Variants in TSPAN5 observed in about 807,000 individuals in gnomAD.
TSPAN5 encodes the protein tetraspanin 5.
Under a neutral mutation model 37.1 loss-of-function variants are expected in TSPAN5, and 10 were observed. The observed-to-expected ratio is 0.27, with a 90% CI of 0.17 to 0.46. The LOEUF is 0.46. TSPAN5 is among the 20% of genes least tolerant of loss of function. The probability of loss-of-function intolerance (pLI) is 1.00; values close to 1 mark genes in which losing one functional copy is unlikely to be tolerated. For missense variants in TSPAN5, 195 were observed against 326.6 expected, an observed-to-expected ratio of 0.60 and a Z score of 3.11; for synonymous variants, 110 against 118.9, an observed-to-expected ratio of 0.93 and a Z score of 0.48.
At chr4:98,567,968 G>A (rs1755044376) in intron 1 of TSPAN5, among the ~76,000 whole-genome samples, 1 of 152,034 alleles carries the variant, frequency 6.6e-6, no homozygotes, top group Non-Finnish European at 1.5e-5. Flanking sequence ...TGTAAAATGG[G>A]GATGACAACA....
At chr4:98,538,010 T>C (rs1402636500) in intron 1 of TSPAN5, among the ~76,000 whole-genome samples, 1 of 152,266 alleles carries the variant, frequency 6.6e-6, no homozygotes, top group Non-Finnish European at 1.5e-5. Context: ...CCCCATGCTC[T>C]GTGATCACGG....
rs185264706 is a variant in TSPAN5 at position 98,533,605 on chromosome 4, C to A, written c.82-25877G>T. ...TTGCTCTGTCGCCCAGGCTGGGGTG[C>A]AGTGGCGCGATCTTGGCTCACTGCA... is the stretch of plus-strand genomic sequence containing the variant. On this transcript the variant is annotated intron_variant, in intron 1 of 7. Transcript: ENST00000305798. Among the ~76,000 whole-genome samples the A allele has an allele frequency of 5.4e-3, 649 of 119,908 alleles. 5 individuals are homozygous for A. The highest frequency in any genetic ancestry group is 0.02 in the African/African-American group (593 of 30,286). The allele number at this position is 119,908 out of a possible 152,430, so 78.7% of individuals were successfully genotyped here. A position where few individuals can be genotyped will look rare whatever the true frequency, so the allele number is the denominator to read the frequency against.
At chr4:98,545,855 A>G (rs889472532) in intron 1 of TSPAN5, among the ~76,000 whole-genome samples, 12 of 152,184 alleles carry the variant, frequency 7.9e-5, no homozygotes, top group Non-Finnish European at 1.8e-4. Context: ...TAGGCTCAAC[A>G]TAAGTTATTT....
intron 1 of TSPAN5, among the ~76,000 whole-genome samples, chr4:98,507,936 G>A (rs1753514336): frequency 6.6e-6 from 1 of 152,176 alleles, no homozygotes; most frequent in Non-Finnish European, 1.5e-5. Flanking sequence ...ACACACAGTT[G>A]GTTAGAAGTC....
intron 1 of TSPAN5, among the ~76,000 whole-genome samples, chr4:98,548,177 C>T (rs1376318301): frequency 6.6e-6 from 1 of 152,112 alleles, no homozygotes; most frequent in Non-Finnish European, 1.5e-5. Flanking sequence ...GTATGTATCA[C>T]CTTTCCTAGT....
intron 2 of TSPAN5, among the ~76,000 whole-genome samples, chr4:98,506,121 A>G (rs1753473820): frequency 6.6e-6 from 1 of 152,250 alleles, no homozygotes; most frequent in Admixed American, 6.5e-5. Flanking sequence ...ACAGATAATT[A>G]GTTCATTTAA....
intron 1 of TSPAN5, among the ~76,000 whole-genome samples, chr4:98,557,711 T>C (rs1754783666): frequency 6.6e-6 from 1 of 152,118 alleles, no homozygotes; most frequent in African/African-American, 2.4e-5. Flanking sequence ...TGGCAGCGGA[T>C]TGCATCGGCC....
intron 2 of TSPAN5, among the ~76,000 whole-genome samples, chr4:98,487,154 G>A (rs1254789117): frequency 6.6e-6 from 1 of 151,124 alleles, no homozygotes; most frequent in Non-Finnish European, 1.5e-5. Flanking sequence ...GGGAGGGAGG[G>A]GGGGATGGAG....
intron 1 of TSPAN5, among the ~76,000 whole-genome samples, chr4:98,551,458 G>T: frequency 6.9e-6 from 1 of 144,586 alleles, no homozygotes. Flanking sequence ...ATTGGTATTA[G>T]TTCTTCTTTG....
intron 5 of TSPAN5, 68 bp from the exon 6 acceptor site, chr4:98,476,528 A>G: frequency 1.4e-6 from 2 of 1,476,584 alleles, no homozygotes; most frequent in Non-Finnish European, 1.9e-6. Context: ...AGAAATGAGC[A>G]GAAGACTTCT....
intron 1 of TSPAN5, among the ~76,000 whole-genome samples, chr4:98,630,870 T>C (rs988041510): frequency 1.3e-5 from 2 of 152,188 alleles, no homozygotes; most frequent in African/African-American, 2.4e-5. Context: ...TTAGCACAAA[T>C]AGCGAATGAG....
chr4:98,474,973 C>T (rs1041912311), intron 7 of TSPAN5, among the ~76,000 whole-genome samples: 2 of 152,212 alleles, frequency 1.3e-5, no homozygotes, highest in Admixed American at 1.3e-4. Context: ...AGCTACCACA[C>T]CTGGCCTGGT....
chr4:98,551,897 C>T lies in TSPAN5; in HGVS notation c.82-44169G>A, dbSNP rs191923976. 1.6e-3 allele frequency among the ~76,000 whole-genome samples: 251 copies of T among 152,132 alleles called. 1 individual carries two copies. The highest frequency in any genetic ancestry group is 2.9e-3 in the Non-Finnish European group (200 of 67,994). On this transcript the variant is annotated intron_variant, in intron 1 of 7. Coordinates refer to ENST00000305798, the MANE Select transcript of TSPAN5 (RefSeq NM_005723.4). ...TTACTGATTCAATTTCACTACTCATCATTGGTCTGTGCAGGGCTTCTATTT... is the reference window on the plus strand; with the variant it reads ...TTACTGATTCAATTTCACTACTCATTATTGGTCTGTGCAGGGCTTCTATTT...
intron 1 of TSPAN5, among the ~76,000 whole-genome samples, chr4:98,607,010 G>T (rs1462835778): frequency 6.6e-6 from 1 of 152,104 alleles, no homozygotes; most frequent in African/African-American, 2.4e-5. Context: ...GCAGGGGGAG[G>T]TGGTGAGGCA....
chr4:98,555,093 T>C (rs1192335697), intron 1 of TSPAN5, among the ~76,000 whole-genome samples: 1 of 152,132 alleles, frequency 6.6e-6, no homozygotes, highest in East Asian at 1.9e-4. Context: ...CGTGGGTGGT[T>C]ACTGCTTCCA....
At chr4:98,534,490 C>G (rs1754187955) in intron 1 of TSPAN5, among the ~76,000 whole-genome samples, 1 of 152,184 alleles carries the variant, frequency 6.6e-6, no homozygotes, top group African/African-American at 2.4e-5. Flanking sequence ...AATGTATATT[C>G]TGTTGATTTA....
At chr4:98,640,058 C>T (rs1039067005) in intron 1 of TSPAN5, among the ~76,000 whole-genome samples, 1 of 152,058 alleles carries the variant, frequency 6.6e-6, no homozygotes, top group African/African-American at 2.4e-5. Context: ...ATTTTTACTT[C>T]TCAGACAGTG....
intron 1 of TSPAN5, among the ~76,000 whole-genome samples, chr4:98,520,361 T>C (rs569856736): frequency 4.6e-5 from 7 of 152,292 alleles, no homozygotes; most frequent in Non-Finnish European, 1.0e-4. Flanking sequence ...TCAACTCAAA[T>C]GAGTCCAGCA....
intron 1 of TSPAN5, among the ~76,000 whole-genome samples, chr4:98,582,526 A>C (rs1308790865): frequency 1.3e-5 from 2 of 152,268 alleles, no homozygotes; most frequent in Non-Finnish European, 2.9e-5. Flanking sequence ...GGCATTTGCC[A>C]CACGTTGACT....
Sources: gnomAD v4.1 joint callset for allele counts (sites outside exome capture counted in the v4.1 genomes callset) on GRCh38, gnomAD v4.1.1 for gene constraint, MANE v1.5 for transcripts, NCBI Gene and HGNC (gene_info 2026-07-23, HGNC 2026-07-21) for gene names.